The following PLEKHM3 variants were observed in gnomAD, a reference collection of about 807,000 sequenced individuals.
PLEKHM3 encodes the protein pleckstrin homology domain containing M3.
In PLEKHM3, 45 loss-of-function variants were observed where a neutral mutation model predicts 81.8. The ratio of observed to expected loss-of-function variants is 0.55; its 90% CI spans 0.43 to 0.71. The LOEUF (loss-of-function observed/expected upper bound fraction) is 0.71, where lower values mean the gene tolerates loss of function less well. Ranked by LOEUF, PLEKHM3 falls within the 30% of genes least tolerant of loss-of-function variation. The pLI, the probability that PLEKHM3 is intolerant of heterozygous loss-of-function variation, is 0.00. For missense variants in PLEKHM3, 788 were observed against 924.3 expected, an observed-to-expected ratio of 0.85 and a Z score of 1.91; for synonymous variants, 352 against 356.4, an observed-to-expected ratio of 0.99 and a Z score of 0.14.
At chr2:207,932,772 G>A (rs1689635660) in intron 4 of PLEKHM3, among the ~76,000 whole-genome samples, 1 of 152,190 alleles carries the variant, frequency 6.6e-6, no homozygotes, top group Non-Finnish European at 1.5e-5. Flanking sequence ...GGATCTGGGT[G>A]TAGAAGATAA....
intron 6 of PLEKHM3, 89 bp from the exon 7 acceptor site, chr2:207,861,351 A>T: frequency 7.7e-7 from 1 of 1,291,206 alleles, no homozygotes; most frequent in Non-Finnish European, 1.1e-6. Flanking sequence ...CCTTTCCTTT[A>T]CACAACAGGA....
chr2:207,916,280 A>G (rs777898335), intron 5 of PLEKHM3, among the ~76,000 whole-genome samples: 22 of 152,232 alleles, frequency 1.4e-4, no homozygotes, highest in Admixed American at 5.9e-4. Context: ...TCAAGTAGAA[A>G]TATCTGGGAT....
At chr2:207,850,738 A>G in intron 7 of PLEKHM3, among the ~76,000 whole-genome samples, 1 of 152,244 alleles carries the variant, frequency 6.6e-6, no homozygotes, top group Non-Finnish European at 1.5e-5. Flanking sequence ...AGGATTAAAA[A>G]AAAATCTAAG....
At chr2:207,914,071 A>C (rs1015427519) in intron 5 of PLEKHM3, among the ~76,000 whole-genome samples, 4 of 152,152 alleles carry the variant, frequency 2.6e-5, no homozygotes, top group Non-Finnish European at 5.9e-5. Flanking sequence ...ATAATTACTC[A>C]ACAGGGCGCA....
At chr2:207,958,011 T>C (rs983030656) in intron 3 of PLEKHM3, among the ~76,000 whole-genome samples, 5 of 152,180 alleles carry the variant, frequency 3.3e-5, no homozygotes, top group African/African-American at 1.2e-4. Context: ...CAAAGAGGTA[T>C]CTGGCCTAAT....
At chr2:207,902,389 T>C (rs1193391110) in intron 6 of PLEKHM3, among the ~76,000 whole-genome samples, 1 of 152,216 alleles carries the variant, frequency 6.6e-6, no homozygotes, top group Admixed American at 6.5e-5. Flanking sequence ...AAAAGTGGCC[T>C]TGAAATACCT....
intron 3 of PLEKHM3, among the ~76,000 whole-genome samples, chr2:207,962,757 G>A (rs746674261): frequency 2.4e-4 from 37 of 152,222 alleles, no homozygotes; most frequent in African/African-American, 6.7e-4. Flanking sequence ...CAAATAAACC[G>A]TGCAAATAAA....
chr2:207,855,558 G>C (rs2092433442), intron 7 of PLEKHM3, among the ~76,000 whole-genome samples: 1 of 152,160 alleles, frequency 6.6e-6, no homozygotes, highest in African/African-American at 2.4e-5. Context: ...AAAAGGAACA[G>C]CATGGAAAGA....
chr2:207,972,416 G>T, intron 3 of PLEKHM3, among the ~76,000 whole-genome samples: 1 of 151,806 alleles, frequency 6.6e-6, no homozygotes, highest in East Asian at 1.9e-4. Context: ...GCAAAACCCC[G>T]TCTCTACTAA....
In PLEKHM3 at chr2:207,977,151, G is replaced by A. The variant is rs187792735; in HGVS notation, c.1046C>T (p.Pro349Leu). ...FQKKTSGLLP[P>L]SPVLDSSKQY... is the part of the protein sequence containing the mutation. Reference sequence around the variant, plus strand: ...TTTGGAGCTGTCCAGGACAGGGGACGGTGGCAGCAGCCCACTGGTTTTCTT... The same window carrying A: ...TTTGGAGCTGTCCAGGACAGGGGACAGTGGCAGCAGCCCACTGGTTTTCTT... The change falls in exon 3 of 8, where the codon CCG (proline) becomes CTG (leucine). Residue 349 changes from proline to leucine, a missense_variant. Coordinates refer to ENST00000427836, the MANE Select transcript of PLEKHM3 (RefSeq NM_001080475.3). 258 of 1,614,194 alleles carry A rather than the reference G, an allele frequency of 1.6e-4. No individual in the cohort carries two copies. The African/African-American group carries it at 1.6e-3, about 10-fold the overall frequency.
intron 4 of PLEKHM3, 124 bp from the exon 5 acceptor site, chr2:207,931,243 A>G (rs1689589455): frequency 1.1e-6 from 1 of 925,842 alleles, no homozygotes; most frequent in Non-Finnish European, 1.6e-6. Flanking sequence ...GACAAATGAA[A>G]AAGTCTGTAG....
At chr2:207,874,550 G>C (rs1015254729) in intron 6 of PLEKHM3, among the ~76,000 whole-genome samples, 8 of 151,898 alleles carry the variant, frequency 5.3e-5, no homozygotes, top group South Asian at 2.1e-4. Flanking sequence ...CTCCAGCCTG[G>C]GCAACAAGAA....
In PLEKHM3 at chr2:208,001,088, G is replaced by C; in HGVS notation, c.552C>G (p.Thr184=). The C allele has an allele frequency of 6.4e-7, 1 of 1,573,974 alleles. No individual in the cohort carries two copies. The highest frequency in any genetic ancestry group is 8.6e-7 in the Non-Finnish European group (1 of 1,159,542). ...GTGAGGGCAACAGAAAAGATGGCCT[G>C]GTGACATGCGGGCCTTGAAGCAATG... ...QQPLLQGPHV[T]RPSFLLPSPN... is the part of the protein sequence containing the mutation. The change falls in exon 2 of 8, where the codon ACC becomes ACG. Residue 184 remains threonine (T), a synonymous_variant. Transcript: ENST00000427836.
intron 5 of PLEKHM3, among the ~76,000 whole-genome samples, chr2:207,918,783 A>G (rs1689083982): frequency 6.6e-6 from 1 of 152,216 alleles, no homozygotes; most frequent in Admixed American, 6.5e-5. Context: ...CCCCCACTAT[A>G]TGTATAGCTC....
intron 3 of PLEKHM3, among the ~76,000 whole-genome samples, chr2:207,947,372 C>G (rs544135701): frequency 6.6e-6 from 1 of 152,208 alleles, no homozygotes; most frequent in Non-Finnish European, 1.5e-5. Context: ...ACTCTGTGAG[C>G]GCTGTCTTGG....
chr2:207,883,751 G>A (rs1228171940), intron 6 of PLEKHM3, among the ~76,000 whole-genome samples: 1 of 151,960 alleles, frequency 6.6e-6, no homozygotes, highest in Non-Finnish European at 1.5e-5. Context: ...CAAAAAACTA[G>A]AGAAAATAAC....
intron 6 of PLEKHM3, among the ~76,000 whole-genome samples, chr2:207,886,514 A>G (rs1342657689): frequency 6.6e-6 from 1 of 152,184 alleles, no homozygotes; most frequent in Non-Finnish European, 1.5e-5. Context: ...TTAAAAGTTT[A>G]TTTAAAATGA....
chr2:208,000,919 A>C, intron 2 of PLEKHM3, 111 bp downstream of exon 2: 1 of 1,076,334 alleles, frequency 9.3e-7, no homozygotes, highest in Non-Finnish European at 1.3e-6. Context: ...ACAAAGGAAA[A>C]ACCAACAATG....
intron 7 of PLEKHM3, among the ~76,000 whole-genome samples, chr2:207,840,801 T>A (rs1344955919): frequency 3.4e-4 from 43 of 127,870 alleles, no homozygotes; most frequent in African/African-American, 8.6e-4. Context: ...CTTTTTATGT[T>A]TTTTTTTTTT....
Sources: gnomAD v4.1 joint callset for allele counts (sites outside exome capture counted in the v4.1 genomes callset) on GRCh38, gnomAD v4.1.1 for gene constraint, MANE v1.5 for transcripts, NCBI Gene and HGNC (gene_info 2026-07-23, HGNC 2026-07-21) for gene names.